Variants in PRSS55 observed in about 807,000 individuals in gnomAD.
PRSS55 encodes the protein probable serine protease UNQ9391/PRO34284.
Under a neutral mutation model 23.6 loss-of-function variants are expected in PRSS55, and 41 were observed. That is an observed-to-expected ratio of 1.74 (90% CI 1.35 to 2.26). The LOEUF is 2.26. Ranked by LOEUF, PRSS55 falls within the 30% of genes most tolerant of loss-of-function variation. The probability of loss-of-function intolerance (pLI) is 0.00; values close to 1 mark genes in which losing one functional copy is unlikely to be tolerated. For synonymous variants in PRSS55, 262 were observed against 175.5 expected (o/e 1.49, Z -3.90); for missense variants, 669 against 439.1 (o/e 1.52, Z -4.68).
chr8:10,542,291 G>A (rs940610223), downstream of PRSS55, among the ~76,000 whole-genome samples: 2 of 152,064 alleles, frequency 1.3e-5, no homozygotes, highest in Admixed American at 6.6e-5. Context: ...GACATCTGTT[G>A]GACATCAAGG....
chr8:10,534,065 A>G (rs1427151751), intron 4 of PRSS55, among the ~76,000 whole-genome samples: 1 of 152,172 alleles, frequency 6.6e-6, no homozygotes, highest in Non-Finnish European at 1.5e-5. Context: ...TGTGGGGACC[A>G]AAAAGACACA....
At chr8:10,528,200 C>CAAA (rs35143057) in intron 1 of PRSS55, among the ~76,000 whole-genome samples, 5 of 89,610 alleles carry the variant, frequency 5.6e-5, no homozygotes, top group Admixed American at 2.2e-4. Context: ...CTTCGTCTCT[C>CAAA]AAAAAAAAAA....
At chr8:10,554,043 T>C (rs1300488815) in exon 5 of PRSS55, 1 of 1,515,566 alleles carries the variant, frequency 6.6e-7, no homozygotes, top group South Asian at 1.3e-5. Flanking sequence ...TGCTTTGCTC[T>C]TTCTTCTACA....
At chr8:10,548,668 G>C (rs1485851249) in intron 4 of PRSS55, among the ~76,000 whole-genome samples, 1 of 152,200 alleles carries the variant, frequency 6.6e-6, no homozygotes, top group African/African-American at 2.4e-5. Flanking sequence ...ACGAGGAGCT[G>C]TTGGGACAGA....
At chr8:10,529,434 C>A (rs1812161820) in intron 1 of PRSS55, 73 bp from the exon 2 acceptor site, 1 of 1,488,192 alleles carries the variant, frequency 6.7e-7, no homozygotes, top group African/African-American at 1.4e-5. Flanking sequence ...TCCTCCCAGC[C>A]CGGTCCCCAG....
downstream of PRSS55, chr8:10,540,111 G>A (rs1482132598): frequency 1.3e-5 from 2 of 152,348 alleles, no homozygotes; most frequent in Non-Finnish European, 2.9e-5. Context: ...TGCTTGCTGT[G>A]TTCCACCAGC....
chr8:10,548,463 G>A (rs1563550422), intron 4 of PRSS55, among the ~76,000 whole-genome samples: 1 of 152,162 alleles, frequency 6.6e-6, no homozygotes, highest in Non-Finnish European at 1.5e-5. Flanking sequence ...GTGGGGCCCT[G>A]GGCCCAGGCA....
downstream of PRSS55, chr8:10,538,837 C>G: frequency 6.7e-7 from 1 of 1,498,944 alleles, no homozygotes; most frequent in Admixed American, 2.2e-5. Flanking sequence ...AGGGTGCATG[C>G]AAGTGCGTCT....
intron 4 of PRSS55, among the ~76,000 whole-genome samples, chr8:10,552,917 G>T (rs1812982796): frequency 6.6e-6 from 1 of 152,194 alleles, no homozygotes; most frequent in Non-Finnish European, 1.5e-5. Flanking sequence ...CCACTTCGGG[G>T]TATCTATTCA....
intron 4 of PRSS55, among the ~76,000 whole-genome samples, chr8:10,548,525 G>A (rs1161034740): frequency 1.3e-5 from 2 of 152,200 alleles, no homozygotes; most frequent in East Asian, 3.9e-4. Flanking sequence ...CCTGGGAGCT[G>A]GGAGACGGTT....
At chr8:10,545,635 T>C (rs1295674482) in intron 4 of PRSS55, among the ~76,000 whole-genome samples, 2 of 152,218 alleles carry the variant, frequency 1.3e-5, no homozygotes, top group Admixed American at 1.3e-4. Context: ...AGCCCAGGCT[T>C]TCTAAGGTAT....
chr8:10,545,950 C>A (rs1216826419), intron 4 of PRSS55, among the ~76,000 whole-genome samples: 2 of 152,330 alleles, frequency 1.3e-5, no homozygotes, highest in South Asian at 2.1e-4. Context: ...CTGGGCCCCT[C>A]CCTGCAGAGC....
intron 4 of PRSS55, chr8:10,544,935 G>A (rs996743852): frequency 2.6e-6 from 2 of 758,080 alleles, no homozygotes; most frequent in Non-Finnish European, 3.2e-6. Context: ...AGGAGATAAA[G>A]TATGTATTTA....
At chr8:10,552,553 AC>A (rs1812973550) in intron 4 of PRSS55, among the ~76,000 whole-genome samples, 1 of 152,262 alleles carries the variant, frequency 6.6e-6, no homozygotes. Flanking sequence ...CCCAAAATAT[AC>A]AAAAAACCCA....
intron 1 of PRSS55, 45 bp from the exon 2 acceptor site, chr8:10,529,462 C>A: frequency 1.3e-6 from 2 of 1,590,958 alleles, no homozygotes; most frequent in Non-Finnish European, 1.7e-6. Context: ...TGGATGCTGA[C>A]TAAGTGTTTC....
At chr8:10,527,929 T>A (rs530670999) in intron 1 of PRSS55, among the ~76,000 whole-genome samples, 3 of 152,174 alleles carry the variant, frequency 2.0e-5, no homozygotes, top group Non-Finnish European at 4.4e-5. Flanking sequence ...AAGTACCGAA[T>A]AGGCCGGGCA....
chr8:10,543,720 TTG>T (rs1209784198), downstream of PRSS55, among the ~76,000 whole-genome samples: 1 of 100,040 alleles, frequency 1.0e-5, no homozygotes, highest in Non-Finnish European at 2.5e-5. Flanking sequence ...ACATATGTTT[TTG>T]TGTGTTATGT....
chr8:10,541,920 C>T (rs1166133250), downstream of PRSS55, among the ~76,000 whole-genome samples: 3 of 152,092 alleles, frequency 2.0e-5, no homozygotes, highest in African/African-American at 7.2e-5. Context: ...ACTACAGGCG[C>T]ACATCACCAC....
Position 10,529,595 on chromosome 8 carries a change from G to A in PRSS55, c.243G>A (p.Trp81Ter), listed in dbSNP as rs1210960895. Reference protein sequence around the residue: ...GMEAEVGEFPWQVSIQARSEP... With the variant: ...GMEAEVGEFP ...AGGCGGAGGTGGGTGAGTTTCCGTG[G>A]CAGGTGAGTATTCAGGCAAGAAGTG... Residue 81 changes from tryptophan to a stop codon, truncating the protein, a stop_gained, in exon 2 of 5, where the codon TGG (tryptophan) becomes TGA (stop). Coordinates refer to ENST00000328655, the MANE Select transcript of PRSS55 (RefSeq NM_198464.4). LOFTEE classifies it high-confidence loss of function. The A allele has an allele frequency of 6.2e-7, 1 of 1,614,182 alleles. No homozygotes were observed. The highest frequency in any genetic ancestry group is 1.3e-5 in the African/African-American group (1 of 75,026).
Sources: allele counts gnomAD v4.1 joint callset (sites outside exome capture counted in the v4.1 genomes callset), GRCh38; gene constraint gnomAD v4.1.1; transcripts MANE v1.5; gene names NCBI Gene and HGNC (gene_info 2026-07-23, HGNC 2026-07-21).